PDE1C: variants seen among roughly 807,000 people sequenced by gnomAD.
PDE1C encodes the protein dual specificity calcium/calmodulin-dependent 3',5'-cyclic nucleotide phosphodiesterase 1C.
Under a neutral mutation model 93.1 loss-of-function variants are expected in PDE1C, and 62 were observed. The ratio of observed to expected loss-of-function variants is 0.67; its 90% CI spans 0.54 to 0.82. The LOEUF (loss-of-function observed/expected upper bound fraction) is 0.82. Ranked by LOEUF, PDE1C falls within the 40% of genes least tolerant of loss-of-function variation. The pLI, the probability that PDE1C is intolerant of heterozygous loss-of-function variation, is 0.00. For missense variants in PDE1C, 742 were observed against 884.6 expected (o/e 0.84, Z 2.04); for synonymous variants, 325 against 310.1 (o/e 1.05, Z -0.50).
At position 32,139,982 on chromosome 7, in the gene PDE1C, C is replaced by T. The variant is rs987878532; in HGVS notation, c.308+29803G>A. On this transcript the variant is annotated intron_variant, in intron 3 of 18. Transcript: ENST00000396193. ...AAAACCTGGGCATTGGATGACAATGCTCAGCCTCTGAACCAACCAATCCTG... is the reference window on the plus strand; with the variant it reads ...AAAACCTGGGCATTGGATGACAATGTTCAGCCTCTGAACCAACCAATCCTG... Among the ~76,000 whole-genome samples, 6 of 152,254 alleles carry T rather than the reference C, an allele frequency of 3.9e-5. No individual in the cohort carries two copies. In the South Asian group the frequency reaches 1.2e-3, roughly 32 times the overall value.
At chr7:31,703,634 TG>T in the PDE1C span, among the ~76,000 whole-genome samples, 1 of 152,230 alleles carries the variant, frequency 6.6e-6, no homozygotes, top group Non-Finnish European at 1.5e-5. Flanking sequence ...GTAATCAAAA[TG>T]GTAGTTAAGC....
Position 31,847,859 on chromosome 7 carries a change from C to A in PDE1C, c.980+109G>T. On this transcript the variant is annotated intron_variant, in intron 9 of 17. Coordinates refer to ENST00000396191, the MANE Select transcript of PDE1C (RefSeq NM_001191057.4). ...AGAGAAAGAAAGAGAGAGAAAGCAA[C>A]ACGAATCAACATTTTAAGCAAGGTG... 4 of 1,145,552 alleles carry A rather than the reference C, an allele frequency of 3.5e-6. No individual in the cohort carries two copies. The Admixed American group carries it at 6.9e-5, about 20-fold the overall frequency. The allele number at this position is 1,145,552 out of a possible 1,614,324, so 71.0% of individuals were successfully genotyped here. A position where few individuals can be genotyped will look rare whatever the true frequency, so the allele number is the denominator to read the frequency against.
chr7:32,203,181 T>TCC (rs1452608224), intron 2 of PDE1C, among the ~76,000 whole-genome samples: 1 of 151,274 alleles, frequency 6.6e-6, no homozygotes, highest in Non-Finnish European at 1.5e-5. Flanking sequence ...AGCCACACAG[T>TCC]CCCCCACTCA....
At chr7:31,662,905 G>T in the PDE1C span, among the ~76,000 whole-genome samples, 5 of 152,114 alleles carry the variant, frequency 3.3e-5, no homozygotes, top group East Asian at 1.9e-4. Flanking sequence ...CCAAAAATCT[G>T]ATTGTGCTGT....
At position 31,823,105 on chromosome 7, in the gene PDE1C, T is replaced by C. The variant is rs376742974; in HGVS notation, c.1550A>G (p.Asn517Ser). 4 of 1,612,668 alleles carry C rather than the reference T, an allele frequency of 2.5e-6. No individual in the cohort carries two copies. Among genetic ancestry groups the C allele is most frequent in the Admixed American group, 3.3e-5 (2 of 59,852 alleles). Residue 517 changes from asparagine (N) to serine (S), a missense_variant, in exon 14 of 18, where the codon AAT becomes AGT. Physicochemically the swap from Asn to Ser is conservative, Grantham distance 46 (BLOSUM62 1). Transcript: ENST00000396191. The part of the protein sequence containing the change: ...KATWTEVVHI[N>S]RERWRAKVPK... ...TACCTTGGCCCTCCATCTCTCCCGA[T>C]TGATGTGCACCACTTCCGTCCAAGT...
At chr7:31,694,978 A>T in the PDE1C span, among the ~76,000 whole-genome samples, 2 of 152,212 alleles carry the variant, frequency 1.3e-5, no homozygotes, top group African/African-American at 2.4e-5. Flanking sequence ...CTGGATCACC[A>T]GGAGGATGAG....
At chr7:31,684,261 T>C in the PDE1C span, among the ~76,000 whole-genome samples, 1 of 152,200 alleles carries the variant, frequency 6.6e-6, no homozygotes, top group Non-Finnish European at 1.5e-5. Flanking sequence ...TTCATACTCT[T>C]CTGTCTTTGA....
chr7:32,207,431 T>C (rs4723133), intron 2 of PDE1C, among the ~76,000 whole-genome samples: 80,501 of 151,732 alleles, frequency 0.53, 22,796 homozygotes, highest in Admixed American at 0.63. Flanking sequence ...CACCACACAA[T>C]GAAGGTCAGT....
intron 2 of PDE1C, chr7:31,941,284 C>G: frequency 6.3e-6 from 1 of 159,060 alleles, no homozygotes; most frequent in South Asian, 2.0e-4. Flanking sequence ...TGTTCACCAA[C>G]ACTGTCTTCA....
At chr7:32,224,504 T>C (rs1807108723) in intron 1 of PDE1C, among the ~76,000 whole-genome samples, 1 of 152,084 alleles carries the variant, frequency 6.6e-6, no homozygotes, top group Non-Finnish European at 1.5e-5. Context: ...CTCCTCGGGG[T>C]TGTCAGGATG....
chr7:32,306,330 C>G (rs1308531971), intron 1 of PDE1C, among the ~76,000 whole-genome samples: 1 of 152,168 alleles, frequency 6.6e-6, no homozygotes, highest in African/African-American at 2.4e-5. Context: ...TCCAATAGTG[C>G]CATCTCTGGA....
At chr7:31,684,011 G>T in the PDE1C span, among the ~76,000 whole-genome samples, 1 of 152,168 alleles carries the variant, frequency 6.6e-6, no homozygotes, top group Non-Finnish European at 1.5e-5. Flanking sequence ...TGCTGGGAGC[G>T]CTGTAGGCTG....
chr7:31,732,553 C>T, the PDE1C span, among the ~76,000 whole-genome samples: 1 of 151,494 alleles, frequency 6.6e-6, no homozygotes, highest in Non-Finnish European at 1.5e-5. Flanking sequence ...CCTGGCCTAC[C>T]CTTTGGATTT....
chr7:31,781,501 G>C (rs986961085), intron 16 of PDE1C, among the ~76,000 whole-genome samples: 5 of 152,154 alleles, frequency 3.3e-5, no homozygotes, highest in African/African-American at 1.2e-4. Context: ...TTATTGCTGA[G>C]CATATCTGCC....
intron 3 of PDE1C, among the ~76,000 whole-genome samples, chr7:32,111,531 AACC>A (rs1798639341): frequency 6.6e-6 from 1 of 152,126 alleles, no homozygotes; most frequent in African/African-American, 2.4e-5. Flanking sequence ...GGGATTGTGG[AACC>A]ATGGTTGGGA....
the PDE1C span, among the ~76,000 whole-genome samples, chr7:31,634,295 GATT>G: frequency 2.2e-4 from 33 of 152,258 alleles, no homozygotes; most frequent in Non-Finnish European, 3.2e-4. Flanking sequence ...TATTAACCAT[GATT>G]ATTATTAATG....
intron 2 of PDE1C, among the ~76,000 whole-genome samples, chr7:31,976,608 A>G (rs952500669): frequency 2.6e-5 from 4 of 152,178 alleles, no homozygotes; most frequent in Non-Finnish European, 5.9e-5. Context: ...GCCTACCTCC[A>G]AAATGCATGC....
At chr7:32,404,006 T>TCA (rs1443646851) in intron 1 of PDE1C, among the ~76,000 whole-genome samples, 1 of 152,216 alleles carries the variant, frequency 6.6e-6, no homozygotes, top group African/African-American at 2.4e-5. Context: ...CACTGTTGCA[T>TCA]CACATCCTCC....
intron 1 of PDE1C, among the ~76,000 whole-genome samples, chr7:32,284,526 C>G (rs1355006556): frequency 5.3e-5 from 8 of 152,200 alleles, no homozygotes; most frequent in African/African-American, 1.9e-4. Flanking sequence ...TTTATTAAGT[C>G]TTGACCAATG....
Sources: allele counts gnomAD v4.1 joint callset (sites outside exome capture counted in the v4.1 genomes callset), GRCh38; gene constraint gnomAD v4.1.1; transcripts MANE v1.5; gene names NCBI Gene and HGNC (gene_info 2026-07-23, HGNC 2026-07-21).